The following CAMTA1 variants were observed in gnomAD, a reference collection of about 807,000 sequenced individuals.
CAMTA1 encodes calmodulin binding transcription activator 1.
CAMTA1 carries 27 observed loss-of-function variants against 170.9 expected under a neutral mutation model. That is an observed-to-expected ratio of 0.16 (90% CI 0.12 to 0.22). CAMTA1 has a LOEUF of 0.22. CAMTA1 is among the 10% of genes least tolerant of loss of function. The pLI, the probability that CAMTA1 is intolerant of heterozygous loss-of-function variation, is 1.00. For missense variants in CAMTA1, 1,619 were observed against 2,217.2 expected (o/e 0.73, Z 5.42); for synonymous variants, 833 against 891.5 (o/e 0.93, Z 1.17).
At chr1:7,203,925 G>A (rs1444765643) in intron 4 of CAMTA1, among the ~76,000 whole-genome samples, 5 of 150,384 alleles carry the variant, frequency 3.3e-5, no homozygotes, top group African/African-American at 9.8e-5. Context: ...TCCGCCTCCC[G>A]GGTTCATGCC....
chr1:6,911,892 A>T (rs1237119427), intron 3 of CAMTA1, among the ~76,000 whole-genome samples: 2 of 152,226 alleles, frequency 1.3e-5, no homozygotes, highest in African/African-American at 4.8e-5. Flanking sequence ...GAGATATTTG[A>T]TGAGCAGCTG....
At chr1:7,381,898 A>G (rs893684127) in intron 5 of CAMTA1, among the ~76,000 whole-genome samples, 1 of 151,972 alleles carries the variant, frequency 6.6e-6, no homozygotes, top group Non-Finnish European at 1.5e-5. Flanking sequence ...CATTTCTCTG[A>G]TGGCCAGTGA....
At chr1:7,181,491 A>C (rs561352722) in intron 4 of CAMTA1, among the ~76,000 whole-genome samples, 5 of 152,226 alleles carry the variant, frequency 3.3e-5, no homozygotes, top group Non-Finnish European at 7.3e-5. Context: ...ATAACCCTAG[A>C]GAATCAATGA....
chr1:7,051,306 A>G (rs569032855), intron 3 of CAMTA1, among the ~76,000 whole-genome samples: 1 of 152,282 alleles, frequency 6.6e-6, no homozygotes, highest in South Asian at 2.1e-4. Context: ...ACGGCAGCTG[A>G]CGCAGGCTTC....
At chr1:6,908,235 G>A (rs532446686) in intron 3 of CAMTA1, among the ~76,000 whole-genome samples, 5 of 152,202 alleles carry the variant, frequency 3.3e-5, no homozygotes, top group African/African-American at 1.2e-4. Context: ...CCTCCAGGGT[G>A]CCAAGGCACA....
intron 6 of CAMTA1, among the ~76,000 whole-genome samples, chr1:7,593,736 C>T (rs889514091): frequency 3.3e-5 from 5 of 150,582 alleles, no homozygotes; most frequent in Non-Finnish European, 7.4e-5. Context: ...AGTGATCCAC[C>T]CGCCTTGGCC....
At chr1:7,335,038 C>T (rs557313704) in intron 5 of CAMTA1, among the ~76,000 whole-genome samples, 1 of 141,908 alleles carries the variant, frequency 7.0e-6, no homozygotes, top group African/African-American at 2.6e-5. Flanking sequence ...ATTTTTTAAA[C>T]CAAATCCAGG....
chr1:7,223,736 A>C (rs1661218591), intron 4 of CAMTA1, among the ~76,000 whole-genome samples: 1 of 152,242 alleles, frequency 6.6e-6, no homozygotes, highest in Admixed American at 6.5e-5. Context: ...ATATTTGCTA[A>C]GCAATCTTCC....
chr1:7,280,714 A>G (rs1257789699), intron 5 of CAMTA1, among the ~76,000 whole-genome samples: 2 of 152,210 alleles, frequency 1.3e-5, no homozygotes, highest in African/African-American at 2.4e-5. Context: ...TTCAAATTCC[A>G]TTGACTATAG....
At chr1:7,145,134 C>G (rs974449338) in intron 4 of CAMTA1, among the ~76,000 whole-genome samples, 4 of 152,290 alleles carry the variant, frequency 2.6e-5, no homozygotes, top group African/African-American at 9.6e-5. Context: ...ATCCAGGGCC[C>G]TTCTCAAAGC....
intron 3 of CAMTA1, among the ~76,000 whole-genome samples, chr1:6,913,814 G>A (rs1354591825): frequency 1.3e-5 from 2 of 151,990 alleles, no homozygotes; most frequent in African/African-American, 4.8e-5. Context: ...TGTTTGAAAG[G>A]TAGAGATGGG....
At chr1:6,838,943 G>A (rs1378480984) in intron 3 of CAMTA1, among the ~76,000 whole-genome samples, 1 of 152,102 alleles carries the variant, frequency 6.6e-6, no homozygotes, top group Non-Finnish European at 1.5e-5. Context: ...TTTTTGTGGA[G>A]ACAGGATCTT....
At chr1:6,963,102 G>T (rs1465995943) in intron 3 of CAMTA1, among the ~76,000 whole-genome samples, 2 of 150,062 alleles carry the variant, frequency 1.3e-5, no homozygotes, top group African/African-American at 4.9e-5. Flanking sequence ...GCCTTCATTT[G>T]ACCCATCCCA....
chr1:7,551,054 G>A (rs2094794333), intron 6 of CAMTA1, among the ~76,000 whole-genome samples: 1 of 152,144 alleles, frequency 6.6e-6, no homozygotes, highest in African/African-American at 2.4e-5. Flanking sequence ...GAAAGGTCTG[G>A]GAAGGCGCAG....
At chr1:7,284,126 GTTCTTCTTC>G (rs202166286) in intron 5 of CAMTA1, among the ~76,000 whole-genome samples, 2,952 of 106,856 alleles carry the variant, frequency 0.028, 61 homozygotes, top group Middle Eastern at 0.055. Flanking sequence ...ATTTGCTGCT[GTTCTTCTTC>G]TTCTTCTTCT....
intron 3 of CAMTA1, among the ~76,000 whole-genome samples, chr1:7,076,698 G>A (rs1294710801): frequency 2.0e-5 from 3 of 152,154 alleles, no homozygotes; most frequent in African/African-American, 4.8e-5. Flanking sequence ...TAATATGTGA[G>A]TGTTGGAGCC....
At chr1:7,281,066 A>G (rs1427534586) in intron 5 of CAMTA1, among the ~76,000 whole-genome samples, 1 of 152,200 alleles carries the variant, frequency 6.6e-6, no homozygotes. Flanking sequence ...AATTATGAGC[A>G]CTGGCAAATA....
intron 7 of CAMTA1, among the ~76,000 whole-genome samples, chr1:7,654,845 C>T (rs1465684239): frequency 6.9e-6 from 1 of 144,924 alleles, no homozygotes; most frequent in Non-Finnish European, 1.5e-5. Flanking sequence ...CACGAACACA[C>T]CCACCTGTAC....
At chr1:7,480,343 G>A (rs529721019) in intron 6 of CAMTA1, among the ~76,000 whole-genome samples, 2 of 151,818 alleles carry the variant, frequency 1.3e-5, no homozygotes, top group East Asian at 3.9e-4. Flanking sequence ...GCATGTATAT[G>A]TGCATGTGTG....
Sources: allele counts gnomAD v4.1 joint callset (sites outside exome capture counted in the v4.1 genomes callset), GRCh38; gene constraint gnomAD v4.1.1; transcripts MANE v1.5; gene names NCBI Gene and HGNC (gene_info 2026-07-23, HGNC 2026-07-21).